Variants in NFAT5 observed in about 807,000 individuals in gnomAD.
NFAT5 encodes nuclear factor of activated T-cells 5.
Under a neutral mutation model 166.5 loss-of-function variants are expected in NFAT5, and 31 were observed. The ratio of observed to expected loss-of-function variants is 0.19; its 90% CI spans 0.14 to 0.25. The LOEUF is 0.25. Ranked by LOEUF, NFAT5 falls within the 10% of genes least tolerant of loss-of-function variation. The pLI is 1.00. For synonymous variants in NFAT5, 612 were observed against 639.7 expected (o/e 0.96, Z 0.65); for missense variants, 1,449 against 1,821.8 (o/e 0.80, Z 3.72).
Position 69,692,787 on chromosome 16 carries a change from A to G in NFAT5, c.2962A>G (p.Thr988Ala), listed in dbSNP as rs780934226. The G allele has an allele frequency of 6.2e-7, 1 of 1,614,158 alleles. No homozygotes were observed. The highest frequency in any genetic ancestry group is 8.5e-7 in the Non-Finnish European group (1 of 1,180,028). ...TTCTGGAAATGAAACTTCTACAACT[A>G]CCACACAGCAGGTTGCAACCCCTGG... is the stretch of plus-strand genomic sequence containing the variant. ...AVSGNETSTT[T>A]TQQVATPGTT... Residue 988 changes from threonine (T) to alanine (A), a missense_variant, in exon 13 of 15, where the codon ACC (threonine) becomes GCC (alanine). Transcript: ENST00000349945.
chr16:69,692,117 A>G lies in NFAT5; in HGVS notation c.2292A>G (p.Leu764=). 4 of 1,614,180 alleles carry G rather than the reference A, an allele frequency of 2.5e-6. No individual in the cohort carries two copies. The African/African-American group carries it at 4.0e-5, about 16-fold the overall frequency. ...EASQQQQQSP[L]QEQAQTLQQQ... ...CACAACAACAGCAGCAGTCACCACT[A>G]CAAGAACAAGCACAGACTTTACAGC... Residue 764 remains leucine (L), a synonymous_variant, in exon 13 of 15, where the codon CTA becomes CTG. Coordinates refer to ENST00000349945, the MANE Select transcript of NFAT5 (RefSeq NM_138713.4).
At position 69,701,913 on chromosome 16, in the gene NFAT5, C is replaced by T. The variant is rs1488012314; in HGVS notation, c.*5562C>T. On this transcript the variant is annotated 3_prime_UTR_variant, in exon 15 of 15. Transcript: ENST00000349945. ...ATGAGAAAAAGGTTATATCTGACTC[C>T]CTCCAGACCTAAGATAATTCCTTTT... 2 of 152,180 alleles carry T rather than the reference C, an allele frequency of 1.3e-5. No individual in the cohort carries two copies. The highest frequency in any genetic ancestry group is 2.9e-5 in the Non-Finnish European group (2 of 68,034). The allele number at this position is 152,180 out of a possible 1,614,324, so 9.4% of individuals were successfully genotyped here.
intron 11 of NFAT5, among the ~76,000 whole-genome samples, chr16:69,686,932 G>A (rs1280381107): frequency 1.3e-5 from 2 of 152,004 alleles, no homozygotes; most frequent in East Asian, 3.8e-4. Flanking sequence ...TGCAAGTGTT[G>A]GATTGTAATG....
chr16:69,634,871 T>A (rs1311863388), intron 3 of NFAT5, among the ~76,000 whole-genome samples: 1 of 152,204 alleles, frequency 6.6e-6, no homozygotes, highest in Non-Finnish European at 1.5e-5. Context: ...CTAATAATAT[T>A]ACCCTTGTAG....
rs1422757600 is a variant in NFAT5 at position 69,701,451 on chromosome 16, A to G, written c.*5100A>G. 6.6e-6 allele frequency: 1 copy of G among 152,622 alleles called. No homozygotes were observed. Among genetic ancestry groups the G allele is most frequent in the African/African-American group, 2.4e-5 (1 of 41,448 alleles). The allele number at this position is 152,622 out of a possible 1,614,324, so 9.5% of individuals were successfully genotyped here. A position where few individuals can be genotyped will look rare whatever the true frequency, so the allele number is the denominator to read the frequency against. ...AAACACATAAACAAATAGTTTCAGT[A>G]GGTCCCAGCTTTTACTTTTTCCATT... is the stretch of plus-strand genomic sequence containing the variant. On this transcript the variant is annotated 3_prime_UTR_variant, in exon 15 of 15. Transcript: ENST00000349945.
chr16:69,585,038 G>A (rs926961297), intron 2 of NFAT5, among the ~76,000 whole-genome samples: 2 of 151,806 alleles, frequency 1.3e-5, no homozygotes, highest in Admixed American at 6.6e-5. Flanking sequence ...TCGCTCTGTC[G>A]CCATGCTGGA....
At position 69,647,150 on chromosome 16, in the gene NFAT5, T is replaced by G. The variant is rs1304973511; in HGVS notation, c.376T>G (p.Cys126Gly). Residue 126 changes from cysteine to glycine, a missense_variant, in exon 4 of 15, where the codon TGC (cysteine) becomes GGC (glycine). Physicochemically the swap from Cys to Gly is radical, Grantham distance 159. Coordinates refer to ENST00000349945, the MANE Select transcript of NFAT5 (RefSeq NM_138713.4). The surrounding 1 kb of genome is among the most constrained non-coding windows in gnomAD (Gnocchi z 4.8). ...CAGCAAGGCTATGCAAGTGGAGAGC[T>G]GCTCCTCAGCCGTGGGGGTAAGTAA... Reference protein sequence around the residue: ...TDSKAMQVESCSSAVGVSNRG... With the variant: ...TDSKAMQVESGSSAVGVSNRG... The G allele has an allele frequency of 6.2e-7, 1 of 1,614,032 alleles. No individual in the cohort carries two copies. Among genetic ancestry groups the G allele is most frequent in the Non-Finnish European group, 8.5e-7 (1 of 1,180,004 alleles).
chr16:69,615,223 T>A (rs1223732462), intron 2 of NFAT5, among the ~76,000 whole-genome samples: 3 of 152,112 alleles, frequency 2.0e-5, no homozygotes, highest in Non-Finnish European at 2.9e-5. Context: ...TGTATTTTAC[T>A]AGAGACGACG....
chr16:69,591,582 T>C lies in NFAT5; in HGVS notation c.127+23034T>C, dbSNP rs566703165. 7.7e-4 allele frequency among the ~76,000 whole-genome samples: 118 copies of C among 152,356 alleles called. 2 individuals are homozygous for C. Among genetic ancestry groups the C allele is most frequent in the Admixed American group, 7.5e-3 (115 of 15,294 alleles). ...CGTGAAGCTTCTATGAATAATTTTC[T>C]ACATTATGCTAGTGCCTTTAAACAG... On this transcript the variant is annotated intron_variant, in intron 2 of 14. Transcript: ENST00000349945.
intron 3 of NFAT5, among the ~76,000 whole-genome samples, chr16:69,627,357 T>TTTTGA (rs2034516498): frequency 3.4e-4 from 4 of 11,910 alleles, no homozygotes; most frequent in Non-Finnish European, 4.8e-4. Flanking sequence ...TATATATATA[T>TTTTGA]ATATATATAT....
chr16:69,651,411 G>C (rs187036746), intron 4 of NFAT5, among the ~76,000 whole-genome samples: 1 of 152,108 alleles, frequency 6.6e-6, no homozygotes, highest in Non-Finnish European at 1.5e-5. Flanking sequence ...ATTGAAGATA[G>C]TGCCTTTCCT....
intron 7 of NFAT5, among the ~76,000 whole-genome samples, chr16:69,664,442 G>T (rs1052921781): frequency 6.6e-6 from 1 of 151,918 alleles, no homozygotes; most frequent in Admixed American, 6.6e-5. Flanking sequence ...CCATTACCAC[G>T]CCTGGCTAAT....
At chr16:69,620,253 A>T (rs1357053045) in intron 2 of NFAT5, among the ~76,000 whole-genome samples, 1 of 152,190 alleles carries the variant, frequency 6.6e-6, no homozygotes, top group African/African-American at 2.4e-5. Context: ...TACTTTTCTT[A>T]TACACATATT....
chr16:69,660,000 C>T lies in NFAT5; in HGVS notation c.1369+101C>T, dbSNP rs986014532. 15 of 1,028,250 alleles carry T rather than the reference C, an allele frequency of 1.5e-5. No individual in the cohort carries two copies. The Admixed American group carries it at 3.9e-4, about 27-fold the overall frequency. 63.7% of individuals were successfully genotyped at this position (1,028,250 alleles called of 1,614,324 possible). A position where few individuals can be genotyped will look rare whatever the true frequency, so the allele number is the denominator to read the frequency against. ...ATTTTAGATATTTCATATGCTCCGG[C>T]TTGTGATCATGCAAAATTTGAAATA... On this transcript the variant is annotated intron_variant, in intron 7 of 14. Coordinates refer to ENST00000349945, the MANE Select transcript of NFAT5 (RefSeq NM_138713.4).
intron 2 of NFAT5, among the ~76,000 whole-genome samples, chr16:69,614,089 A>C (rs1249698399): frequency 6.6e-6 from 1 of 152,006 alleles, no homozygotes; most frequent in Non-Finnish European, 1.5e-5. Flanking sequence ...AAAGTGTAGC[A>C]AAAGTGAGAG....
intron 2 of NFAT5, among the ~76,000 whole-genome samples, chr16:69,601,466 C>G (rs1328952847): frequency 6.6e-6 from 1 of 152,106 alleles, no homozygotes; most frequent in Non-Finnish European, 1.5e-5. Context: ...CTCCTGGGCT[C>G]AAGTGATTCT....
intron 3 of NFAT5, among the ~76,000 whole-genome samples, chr16:69,629,521 G>A (rs560725866): frequency 3.3e-5 from 5 of 152,154 alleles, no homozygotes; most frequent in South Asian, 4.1e-4. Flanking sequence ...TCAAGGTGTC[G>A]GGGAAAGGGG....
chr16:69,690,910 ACTTTT>A (rs2037519167), intron 11 of NFAT5, 25 bp from the exon 12 acceptor site: 2 of 1,445,594 alleles, frequency 1.4e-6, no homozygotes, highest in African/African-American at 1.4e-5. Flanking sequence ...GTGATTTTAA[ACTTTT>A]CTTTTTGTGT....
intron 3 of NFAT5, among the ~76,000 whole-genome samples, chr16:69,633,436 C>T (rs988881334): frequency 7.2e-5 from 11 of 152,072 alleles, no homozygotes; most frequent in Middle Eastern, 3.2e-3. Flanking sequence ...GTGTTTATAA[C>T]TAATTGTTTT....
Sources: gnomAD v4.1 joint callset for allele counts (sites outside exome capture counted in the v4.1 genomes callset) on GRCh38, gnomAD v4.1.1 for gene constraint, Gnocchi (gnomAD v3.1) non-coding constraint, MANE v1.5 for transcripts, NCBI Gene and HGNC (gene_info 2026-07-23, HGNC 2026-07-21) for gene names.